The following UBE3A variants were observed in gnomAD, a reference collection of about 807,000 sequenced individuals.
UBE3A encodes the protein ubiquitin protein ligase E3A.
UBE3A carries 6 observed loss-of-function variants against 83.4 expected under a neutral mutation model. The ratio of observed to expected loss-of-function variants is 0.07; its 90% CI spans 0.04 to 0.14. The LOEUF (loss-of-function observed/expected upper bound fraction) is 0.14. Among genes scored for constraint, UBE3A ranks in the 10% least tolerant of loss-of-function variants. UBE3A has a pLI of 1.00. For synonymous variants in UBE3A, 337 were observed against 355.4 expected (o/e 0.95, Z 0.58); for missense variants, 456 against 1,036.1 (o/e 0.44, Z 7.69).
chr15:25,430,153 A>G (rs1280062510), intron 1 of UBE3A, among the ~76,000 whole-genome samples: 2 of 31,252 alleles, frequency 6.4e-5, no homozygotes, highest in African/African-American at 3.7e-4. Flanking sequence ...TATATAATAC[A>G]TATATATAAG....
At chr15:25,378,076 C>T (rs1415097616) in intron 4 of UBE3A, among the ~76,000 whole-genome samples, 1 of 152,030 alleles carries the variant, frequency 6.6e-6, no homozygotes, top group Non-Finnish European at 1.5e-5. Context: ...AAGGGGAAAA[C>T]AATAGCAGTT....
At position 25,375,530 on chromosome 15, in the gene UBE3A, C is replaced by T. The variant is rs943659663; in HGVS notation, c.296G>A (p.Gly99Asp). 4 of 1,614,162 alleles carry T rather than the reference C, an allele frequency of 2.5e-6. No homozygotes were observed. The highest frequency in any genetic ancestry group is 2.5e-6 in the Non-Finnish European group (3 of 1,180,036). ...CTCAGAGCAGGAGTTGTTGGGGGCA[C>T]CTTTCGAGTTCTCAAGGTAAGCTGA... is the stretch of plus-strand genomic sequence containing the variant. ...ASSAYLENSK[G>D]APNNSCSEIK... Residue 99 changes from glycine (G) to aspartate (D), a missense_variant, in exon 5 of 13, where the codon GGT becomes GAT. Around this residue, in one of 13 missense-constraint regions of UBE3A, gnomAD observed 36 missense variants for 28.5 expected, o/e 1.26. Transcript: ENST00000648336.
Position 25,432,566 on chromosome 15 carries a change from G to C in UBE3A, c.-165+5923C>G, listed in dbSNP as rs115401734. ...AGTATATACAACGGGCACACATCCAGAACTAGGAAAGAGCTACCAAGCCTG... is the reference window on the plus strand; with the variant it reads ...AGTATATACAACGGGCACACATCCACAACTAGGAAAGAGCTACCAAGCCTG... On this transcript the variant is annotated intron_variant, in intron 1 of 12. Coordinates refer to ENST00000648336, the MANE Select transcript of UBE3A (RefSeq NM_130839.5). 3.2e-3 allele frequency among the ~76,000 whole-genome samples: 492 copies of C among 152,280 alleles called. 6 individuals carry two copies. Among genetic ancestry groups the C allele is most frequent in the African/African-American group, 0.011 (461 of 41,562 alleles).
intron 1 of UBE3A, among the ~76,000 whole-genome samples, chr15:25,414,932 C>T (rs1282490819): frequency 6.6e-6 from 1 of 152,182 alleles, no homozygotes; most frequent in Non-Finnish European, 1.5e-5. Context: ...TTTTATACTT[C>T]CAGTGCTTGC....
At chr15:25,383,175 C>T (rs1290718035) in intron 4 of UBE3A, among the ~76,000 whole-genome samples, 6 of 152,040 alleles carry the variant, frequency 3.9e-5, no homozygotes, top group Non-Finnish European at 8.8e-5. Context: ...TTCAACAATG[C>T]ATTAAAAAGA....
intron 6 of UBE3A, among the ~76,000 whole-genome samples, chr15:25,368,727 C>A (rs1473626145): frequency 6.6e-6 from 1 of 151,952 alleles, no homozygotes; most frequent in Non-Finnish European, 1.5e-5. Flanking sequence ...GCTTTAAAAG[C>A]AGTTGTTTCC....
At chr15:25,367,952 A>G (rs752451307) in intron 6 of UBE3A, among the ~76,000 whole-genome samples, 7 of 152,116 alleles carry the variant, frequency 4.6e-5, no homozygotes, top group Non-Finnish European at 1.0e-4. Flanking sequence ...TAAGGAGTGG[A>G]TAACTCTAAG....
At chr15:25,384,219 G>A (rs2082683193) in intron 4 of UBE3A, among the ~76,000 whole-genome samples, 1 of 152,074 alleles carries the variant, frequency 6.6e-6, no homozygotes, top group Admixed American at 6.5e-5. Context: ...CAGCAGTTTG[G>A]GAGGCCAAGG....
chr15:25,356,167 A>G (rs1183317998), intron 8 of UBE3A, 111 bp from the exon 9 acceptor site: 8 of 1,363,990 alleles, frequency 5.9e-6, no homozygotes, highest in Non-Finnish European at 7.3e-6. Flanking sequence ...AAAAATTGTA[A>G]AAAGTGTAGA....
At chr15:25,399,579 G>GT (rs2086578231) in intron 4 of UBE3A, among the ~76,000 whole-genome samples, 1 of 147,898 alleles carries the variant, frequency 6.8e-6, no homozygotes, top group African/African-American at 2.7e-5. Context: ...TGTTTCTTTT[G>GT]TTTTTAAAAG....
intron 1 of UBE3A, among the ~76,000 whole-genome samples, chr15:25,428,430 C>A (rs1323965557): frequency 6.6e-6 from 1 of 151,978 alleles, no homozygotes; most frequent in Non-Finnish European, 1.5e-5. Flanking sequence ...ATGATTTTTA[C>A]ATCAAAAATT....
intron 4 of UBE3A, among the ~76,000 whole-genome samples, chr15:25,377,024 A>C (rs2081341592): frequency 6.6e-6 from 1 of 152,202 alleles, no homozygotes; most frequent in Admixed American, 6.5e-5. Flanking sequence ...TTTGGTCCCA[A>C]ATTCACAAGC....
chr15:25,423,258 TTATA>T (rs1369597645), intron 1 of UBE3A, among the ~76,000 whole-genome samples: 2 of 152,234 alleles, frequency 1.3e-5, no homozygotes, highest in African/African-American at 4.8e-5. Flanking sequence ...CCCAGGTTAT[TTATA>T]AAGACTTAAA....
At chr15:25,345,511 A>C (rs560982357) in intron 11 of UBE3A, 30 of 152,162 alleles carry the variant, frequency 2.0e-4, no homozygotes, top group African/African-American at 7.2e-4. Flanking sequence ...TAAAAAGCGA[A>C]AAAAGTTATC....
intron 1 of UBE3A, among the ~76,000 whole-genome samples, chr15:25,417,145 A>G (rs1413217788): frequency 6.6e-6 from 1 of 152,122 alleles, no homozygotes; most frequent in Non-Finnish European, 1.5e-5. Context: ...CAGTACTTAT[A>G]AAGGACTGGG....
intron 4 of UBE3A, among the ~76,000 whole-genome samples, chr15:25,394,885 T>C (rs548924001): frequency 6.6e-6 from 1 of 152,304 alleles, no homozygotes; most frequent in Non-Finnish European, 1.5e-5. Flanking sequence ...GGCACTGTCA[T>C]TAGGCTTCCA....
chr15:25,345,813 G>C (rs1213293740), intron 11 of UBE3A: 1 of 151,776 alleles, frequency 6.6e-6, no homozygotes, highest in Non-Finnish European at 1.5e-5. Flanking sequence ...TGAAAAAAAG[G>C]AAGACATGAC....
intron 3 of UBE3A, chr15:25,408,788 T>C (rs182639592): frequency 1.0e-6 from 1 of 965,402 alleles, no homozygotes; most frequent in East Asian, 2.7e-5. Flanking sequence ...AAAATGCATA[T>C]TAAGAAATTT....
intron 11 of UBE3A, among the ~76,000 whole-genome samples, chr15:25,353,627 G>GTGTT (rs1452670712): frequency 6.6e-6 from 1 of 152,192 alleles, no homozygotes; most frequent in Non-Finnish European, 1.5e-5. Flanking sequence ...ATTCATTCTA[G>GTGTT]TGTTTATATA....
Sources: gnomAD v4.1 joint callset for allele counts (sites outside exome capture counted in the v4.1 genomes callset) on GRCh38, gnomAD v4.1.1 for gene constraint, gnomAD v4.1.1 regional missense constraint, MANE v1.5 for transcripts, NCBI Gene and HGNC (gene_info 2026-07-23, HGNC 2026-07-21) for gene names.